WDR48: variants seen among roughly 807,000 people sequenced by gnomAD.
WDR48 encodes the protein WD repeat-containing protein 48.
Under a neutral mutation model 94.0 loss-of-function variants are expected in WDR48, and 22 were observed. That is an observed-to-expected ratio of 0.23 (90% CI 0.17 to 0.33). The LOEUF is 0.33. Among genes scored for constraint, WDR48 ranks in the 10% least tolerant of loss-of-function variants. The pLI is 1.00. For synonymous variants in WDR48, 278 were observed against 280.5 expected, an observed-to-expected ratio of 0.99 and a Z score of 0.09; for missense variants, 541 against 813.8, an observed-to-expected ratio of 0.66 and a Z score of 4.08.
In WDR48 at chr3:39,077,193, A is replaced by G. The variant is rs2125665427; in HGVS notation, c.952A>G (p.Lys318Glu). 3 of 1,614,178 alleles carry G rather than the reference A, an allele frequency of 1.9e-6. No individual in the cohort carries two copies. The highest frequency in any genetic ancestry group is 1.6e-4 in the Middle Eastern group (1 of 6,062). The change falls in exon 9 of 19, where the codon AAG becomes GAG. Residue 318 changes from lysine to glutamate, a missense_variant. Lys to Glu is a moderately conservative substitution (Grantham distance 56). Transcript: ENST00000302313. ...PPPAIWVATT[K>E]STVNKWTLKG... The stretch of plus-strand genomic sequence containing the variant: ...TCCTGCAATTTGGGTTGCAACAACT[A>G]AGTCTACAGTAAATAAATGGGTAAG...
chr3:39,058,842 C>T (rs2033072003), intron 1 of WDR48, among the ~76,000 whole-genome samples: 2 of 151,810 alleles, frequency 1.3e-5, no homozygotes, highest in Non-Finnish European at 2.9e-5. Flanking sequence ...TTTGGGAGGC[C>T]AAGGTGGGTG....
intron 1 of WDR48, among the ~76,000 whole-genome samples, chr3:39,054,816 CAAAG>C (rs1363114498): frequency 2.0e-5 from 3 of 151,218 alleles, no homozygotes; most frequent in Non-Finnish European, 2.9e-5. Flanking sequence ...AGGGAGGCCT[CAAAG>C]AGAGAGAGAG....
chr3:39,070,442 C>T (rs1177629449), intron 7 of WDR48, among the ~76,000 whole-genome samples: 1 of 152,138 alleles, frequency 6.6e-6, no homozygotes, highest in South Asian at 2.1e-4. Flanking sequence ...TAGAAAAGGG[C>T]AGGTAGAAAG....
At chr3:39,055,865 C>T (rs527376897) in intron 1 of WDR48, among the ~76,000 whole-genome samples, 2 of 152,320 alleles carry the variant, frequency 1.3e-5, no homozygotes, top group African/African-American at 2.4e-5. Flanking sequence ...CTTCGCTTAA[C>T]TTGCTGCCAC....
intron 7 of WDR48, among the ~76,000 whole-genome samples, chr3:39,070,218 T>G (rs561844996): frequency 2.6e-5 from 4 of 152,344 alleles, no homozygotes; most frequent in Admixed American, 2.6e-4. Context: ...TGTTATACAT[T>G]AGCTCTGTTG....
rs189643352 is a variant in WDR48 at position 39,069,293 on chromosome 3, G to A, written c.571-350G>A. 2.2e-3 allele frequency among the ~76,000 whole-genome samples: 342 copies of A among 152,310 alleles called. 3 individuals carry two copies. The highest frequency in any genetic ancestry group is 7.6e-3 in the African/African-American group (315 of 41,562). On this transcript the variant is annotated intron_variant, in intron 6 of 18. Transcript: ENST00000302313. ...TGCCCCAATCGGGGGAGCTTAAAGG[G>A]TGGTTTGAACATTAGAAAATAAAGA... is the stretch of plus-strand genomic sequence containing the variant.
At chr3:39,062,949 A>G (rs1575397120) in intron 1 of WDR48, 101 bp from the exon 2 acceptor site, 2 of 1,444,336 alleles carry the variant, frequency 1.4e-6, no homozygotes, top group East Asian at 2.3e-5. Flanking sequence ...TACATATTGG[A>G]AAACATGGGA....
intron 17 of WDR48, among the ~76,000 whole-genome samples, chr3:39,092,621 G>C (rs780724978): frequency 1.3e-5 from 2 of 152,120 alleles, no homozygotes; most frequent in Non-Finnish European, 2.9e-5. Context: ...AGCCAATGTG[G>C]GATATGGTCC....
In WDR48 at chr3:39,093,912, A is replaced by G; in HGVS notation, c.1784A>G (p.Lys595Arg). The change falls in exon 18 of 19, where the codon AAA (lysine) becomes AGA (arginine). Residue 595 changes from lysine (K) to arginine (R), a missense_variant. Physicochemically the swap from Lys to Arg is conservative, Grantham distance 26 (BLOSUM62 2). This residue lies in a region of WDR48 where 109 missense variants were observed against 195.5 expected (regional missense o/e 0.56). Coordinates refer to ENST00000302313, the MANE Select transcript of WDR48 (RefSeq NM_020839.4). ...LSASDMLQVR[K>R]VMEHVYEKII... The stretch of plus-strand genomic sequence containing the variant: ...GCTAGTGACATGCTCCAAGTCCGAA[A>G]AGTTATGGAACATGTTTATGAAAAA... 6.2e-7 allele frequency: 1 copy of G among 1,612,466 alleles called. No individual in the cohort carries two copies. Among genetic ancestry groups the G allele is most frequent in the Non-Finnish European group, 8.5e-7 (1 of 1,179,504 alleles).
intron 1 of WDR48, among the ~76,000 whole-genome samples, chr3:39,054,300 AT>A (rs1290000746): frequency 2.6e-5 from 4 of 152,178 alleles, no homozygotes; most frequent in African/African-American, 9.7e-5. Flanking sequence ...CATCTGGATA[AT>A]TCTTCGCTGT....
chr3:39,094,900 T>A lies in WDR48; in HGVS notation c.*157T>A. ...TTTCAATTGAAGTGACTAATCGAGATGTAATATAGAAACCAGTCTCCATGT... is the reference window on the plus strand; with the variant it reads ...TTTCAATTGAAGTGACTAATCGAGAAGTAATATAGAAACCAGTCTCCATGT... On this transcript the variant is annotated 3_prime_UTR_variant, in exon 19 of 19. Transcript: ENST00000302313. 1 of 985,094 alleles carries A rather than the reference T, an allele frequency of 1.0e-6. No individual in the cohort carries two copies. The highest frequency in any genetic ancestry group is 1.5e-6 in the Non-Finnish European group (1 of 675,066). 61.0% of individuals were successfully genotyped at this position (985,094 alleles called of 1,614,324 possible).
rs868255068 is a variant in WDR48, at chr3:39,079,761, T to A, written c.1126T>A (p.Leu376Ile). 2.6e-6 allele frequency: 4 copies of A among 1,557,606 alleles called. No individual in the cohort carries two copies. In the Middle Eastern group the frequency reaches 7.0e-4, roughly 274 times the overall value. The change falls in exon 11 of 19, where the codon TTA becomes ATA. Residue 376 changes from leucine (L) to isoleucine (I), a missense_variant. This residue lies in a region of WDR48 where 238 missense variants were observed against 285.3 expected (regional missense o/e 0.83). Coordinates refer to ENST00000302313, the MANE Select transcript of WDR48 (RefSeq NM_020839.4). ...CHILNDKRHILTKDTNNNVAY... is the reference protein window; with the variant it reads ...CHILNDKRHIITKDTNNNVAY... ...CATTCTTAATGATAAGAGACATATA[T>A]TAACCAAAGATACCAATAATAATGT...
intron 1 of WDR48, among the ~76,000 whole-genome samples, chr3:39,056,406 A>G (rs927343711): frequency 2.2e-4 from 33 of 152,376 alleles, no homozygotes; most frequent in African/African-American, 7.7e-4. Context: ...AATGGATACA[A>G]GAAAATTTCC....
chr3:39,094,863 A>G lies in WDR48; in HGVS notation c.*120A>G. ...GACTTCTAACGGCTGATTGGTATGG[A>G]CCGAGATTATCTTTCAATTGAAGTG... On this transcript the variant is annotated 3_prime_UTR_variant, in exon 19 of 19. Coordinates refer to ENST00000302313, the MANE Select transcript of WDR48 (RefSeq NM_020839.4). The G allele has an allele frequency of 7.9e-7, 1 of 1,261,534 alleles. No individual in the cohort carries two copies. Among genetic ancestry groups the G allele is most frequent in the Non-Finnish European group, 1.1e-6 (1 of 908,476 alleles). The allele number at this position is 1,261,534 out of a possible 1,614,324, so 78.1% of individuals were successfully genotyped here. A position where few individuals can be genotyped will look rare whatever the true frequency, so the allele number is the denominator to read the frequency against.
chr3:39,062,900 T>TA (rs1184435857), intron 1 of WDR48, 150 bp from the exon 2 acceptor site: 16 of 936,814 alleles, frequency 1.7e-5, no homozygotes, highest in African/African-American at 3.3e-5. Flanking sequence ...CCTTTAGTCT[T>TA]TAAGGAGTAA....
intron 18 of WDR48, 56 bp from the exon 19 acceptor site, chr3:39,094,592 T>A: frequency 1.2e-6 from 2 of 1,607,172 alleles, no homozygotes; most frequent in Non-Finnish European, 1.7e-6. Context: ...GAGTTAATGA[T>A]AAGGTTTTAG....
chr3:39,070,842 C>T (rs1329418482), intron 7 of WDR48, among the ~76,000 whole-genome samples: 3 of 152,144 alleles, frequency 2.0e-5, no homozygotes, highest in African/African-American at 7.2e-5. Context: ...TCCCCCCACC[C>T]CCACAACAGT....
At chr3:39,066,267 C>T (rs1023867675) in intron 3 of WDR48, among the ~76,000 whole-genome samples, 12 of 152,154 alleles carry the variant, frequency 7.9e-5, no homozygotes, top group African/African-American at 2.2e-4. Context: ...GTCCGAGTTA[C>T]AGGAATTTTT....
In WDR48 at chr3:39,052,043, G is replaced by C. The variant is rs2032423089; in HGVS notation, c.18G>C (p.Arg6=). 1.2e-6 allele frequency: 2 copies of C among 1,613,880 alleles called. No individual in the cohort carries two copies. The highest frequency in any genetic ancestry group is 1.7e-6 in the Non-Finnish European group (2 of 1,179,934). MAAHH[R]QNTAGRRKVQ... is the part of the protein sequence containing the mutation. The stretch of plus-strand genomic sequence containing the variant: ...CATGCAAGATGGCGGCCCATCACCG[G>C]CAGAACACAGCAGGGCGGAGGAAAG... The change falls in exon 1 of 19, where the codon CGG becomes CGC. Residue 6 remains arginine, a synonymous_variant. Coordinates refer to ENST00000302313, the MANE Select transcript of WDR48 (RefSeq NM_020839.4).
Sources: gnomAD v4.1 joint callset for allele counts (sites outside exome capture counted in the v4.1 genomes callset) on GRCh38, gnomAD v4.1.1 for gene constraint, gnomAD v4.1.1 regional missense constraint, MANE v1.5 for transcripts, NCBI Gene and HGNC (gene_info 2026-07-23, HGNC 2026-07-21) for gene names.